Variants in MBD5 observed in about 807,000 individuals in gnomAD.
MBD5 encodes the protein methyl-CpG binding domain protein 5, also known as methyl-CpG-binding domain protein 5.
A neutral mutation model predicts 117.3 loss-of-function variants in MBD5; 13 were observed. The ratio of observed to expected loss-of-function variants is 0.11; its 90% CI spans 0.07 to 0.18. MBD5 has a LOEUF of 0.18. MBD5 is among the 10% of genes least tolerant of loss of function. The pLI is 1.00. For missense variants in MBD5, 1,879 were observed against 2,093.8 expected (o/e 0.90, Z 2.00); for synonymous variants, 727 against 766.4 (o/e 0.95, Z 0.85).
chr2:148,489,276 C>T (rs1681436802), intron 10 of MBD5, 110 bp from the exon 11 acceptor site: 2 of 1,315,230 alleles, frequency 1.5e-6, no homozygotes, highest in South Asian at 2.6e-5. Context: ...ATATTTCCTT[C>T]CTTGTTAATA....
intron 4 of MBD5, among the ~76,000 whole-genome samples, chr2:148,433,169 T>C (rs1706044185): frequency 6.6e-6 from 1 of 152,134 alleles, no homozygotes; most frequent in South Asian, 2.1e-4. Flanking sequence ...TCAGCTTTGA[T>C]GTTGTTGGTG....
In MBD5 at chr2:148,168,674, T is replaced by A. The variant is rs187894097; in HGVS notation, c.-924-10026T>A. On this transcript the variant is annotated intron_variant, in intron 1 of 13. Coordinates refer to ENST00000642680, the MANE Select transcript of MBD5 (RefSeq NM_001378120.1). ...TGGAAGATCATTTGAGCCCAAGAGG[T>A]CAAGGCTGTGGTGAGCCATGATTGC... Among the ~76,000 whole-genome samples the A allele has an allele frequency of 3.3e-3, 503 of 152,006 alleles. 1 individual carries two copies. The highest frequency in any genetic ancestry group is 0.012 in the African/African-American group (480 of 41,458).
chr2:148,150,745 C>A (rs1328571386), intron 1 of MBD5, among the ~76,000 whole-genome samples: 5 of 151,978 alleles, frequency 3.3e-5, no homozygotes, highest in Admixed American at 6.6e-5. Flanking sequence ...CTCTGTTTGT[C>A]TGTTGTTGGT....
At chr2:148,304,928 A>G (rs941122636) in intron 3 of MBD5, among the ~76,000 whole-genome samples, 19 of 151,164 alleles carry the variant, frequency 1.3e-4, no homozygotes, top group Non-Finnish European at 1.6e-4. Flanking sequence ...AGCCGGGCGT[A>G]GTGGCGGGCG....
Position 148,371,418 on chromosome 2 carries a change from T to C in MBD5, c.-557+29082T>C, listed in dbSNP as rs1400765993. Among the ~76,000 whole-genome samples the C allele has an allele frequency of 7.9e-5, 12 of 152,280 alleles. No homozygotes were observed. The East Asian group carries it at 1.9e-3, about 24-fold the overall frequency. On this transcript the variant is annotated intron_variant, in intron 4 of 13. Coordinates refer to ENST00000642680, the MANE Select transcript of MBD5 (RefSeq NM_001378120.1). ...CAGGATATGAAGCCAGAATTCTTAT[T>C]GTAACATATTAAAAAAAGAGAAACT... is the stretch of plus-strand genomic sequence containing the variant.
chr2:148,030,340 T>C (rs1264638830), intron 1 of MBD5, among the ~76,000 whole-genome samples: 3 of 152,074 alleles, frequency 2.0e-5, no homozygotes, highest in Middle Eastern at 6.8e-3. Flanking sequence ...AAAACAACCA[T>C]GCAAAACTTA....
intron 2 of MBD5, among the ~76,000 whole-genome samples, chr2:148,215,067 A>T (rs1332854509): frequency 2.0e-5 from 3 of 152,186 alleles, no homozygotes; most frequent in Admixed American, 2.0e-4. Context: ...TAGGTTAAGG[A>T]TTGCACATTA....
At chr2:148,407,008 C>T (rs1454050819) in intron 4 of MBD5, among the ~76,000 whole-genome samples, 1 of 152,018 alleles carries the variant, frequency 6.6e-6, no homozygotes, top group Admixed American at 6.6e-5. Context: ...CTGTATGCAC[C>T]ATTACAATGT....
chr2:148,404,346 C>CA (rs201485881), intron 4 of MBD5, among the ~76,000 whole-genome samples: 7,293 of 152,188 alleles, frequency 0.048, 311 homozygotes, highest in Admixed American at 0.097. Flanking sequence ...CCTATACCTA[C>CA]GAGTTTGAAT....
chr2:148,321,385 C>G (rs965770975), intron 3 of MBD5, among the ~76,000 whole-genome samples: 1 of 152,128 alleles, frequency 6.6e-6, no homozygotes, highest in African/African-American at 2.4e-5. Flanking sequence ...TCAAAGCCAT[C>G]CTGGGTCTCA....
chr2:148,252,411 A>C (rs10181040), intron 3 of MBD5, among the ~76,000 whole-genome samples: 1,963 of 152,298 alleles, frequency 0.013, 37 homozygotes, highest in African/African-American at 0.044. Flanking sequence ...CAGCGAACCC[A>C]GATCATGCCA....
chr2:148,512,931 T>C lies in MBD5; in HGVS notation c.5174T>C (p.Ile1725Thr). The C allele has an allele frequency of 6.2e-7, 1 of 1,613,736 alleles. No individual in the cohort carries two copies. Among genetic ancestry groups the C allele is most frequent in the Non-Finnish European group, 8.5e-7 (1 of 1,179,690 alleles). The change falls in exon 14 of 14, where the codon ATC becomes ACC. Residue 1725 changes from isoleucine to threonine, a missense_variant. Ile to Thr is a moderately conservative substitution (Grantham distance 89). Around this residue, in one of 4 missense-constraint regions of MBD5, gnomAD observed 135 missense variants for 148.0 expected, o/e 0.91. Transcript: ENST00000642680. ...CCCCCCAAACCCAAGAGGAGGAAGA[T>C]CTCCAGATAACAGAGACTACTCCAC... The part of the protein sequence containing the change: ...MRPPKPKRRK[I>T]SR
chr2:148,064,393 G>A (rs1037719292), intron 1 of MBD5, among the ~76,000 whole-genome samples: 3 of 150,944 alleles, frequency 2.0e-5, no homozygotes, highest in Non-Finnish European at 2.9e-5. Context: ...GGGACCACAG[G>A]CGTGAGCCAC....
chr2:148,432,958 G>A (rs1015443362), intron 4 of MBD5, among the ~76,000 whole-genome samples: 2 of 152,096 alleles, frequency 1.3e-5, no homozygotes, highest in Non-Finnish European at 2.9e-5. Flanking sequence ...GTTTTCAGTA[G>A]TATGGCCATT....
intron 1 of MBD5, among the ~76,000 whole-genome samples, chr2:148,092,822 A>T (rs895544360): frequency 3.9e-5 from 6 of 152,132 alleles, no homozygotes; most frequent in Non-Finnish European, 8.8e-5. Context: ...TTAAAAAAAA[A>T]AAAAAATTTA....
At chr2:148,318,283 G>A (rs181063332) in intron 3 of MBD5, among the ~76,000 whole-genome samples, 2 of 150,978 alleles carry the variant, frequency 1.3e-5, no homozygotes, top group Admixed American at 6.6e-5. Flanking sequence ...CATTTACTTT[G>A]CCTACTTCTT....
rs28860279 is a variant in MBD5, at chr2:148,397,999, A to C, written c.-557+55663A>C. 9.2e-3 allele frequency among the ~76,000 whole-genome samples: 1,407 copies of C among 152,188 alleles called. 3 individuals carry two copies. The highest frequency in any genetic ancestry group is 0.012 in the Non-Finnish European group (849 of 67,996). ...GACATGAACTCATCATTTTTTATGG[A>C]TACATAGTATTCCATGGTGTATATG... On this transcript the variant is annotated intron_variant, in intron 4 of 13. Coordinates refer to ENST00000642680, the MANE Select transcript of MBD5 (RefSeq NM_001378120.1).
intron 3 of MBD5, among the ~76,000 whole-genome samples, chr2:148,244,636 T>C (rs1700294813): frequency 6.6e-6 from 1 of 152,230 alleles, no homozygotes; most frequent in African/African-American, 2.4e-5. Context: ...AAATATTTAC[T>C]GAGTGCTATT....
chr2:148,055,684 G>C (rs1694840961), intron 1 of MBD5: 1 of 152,098 alleles, frequency 6.6e-6, no homozygotes, highest in Non-Finnish European at 1.5e-5. Context: ...CGCCCGCCTC[G>C]GCCTTCCAAA....
Sources: allele counts gnomAD v4.1 joint callset (sites outside exome capture counted in the v4.1 genomes callset), GRCh38; gene constraint gnomAD v4.1.1; regional missense constraint gnomAD v4.1.1; transcripts MANE v1.5; gene names NCBI Gene and HGNC (gene_info 2026-07-23, HGNC 2026-07-21).